Variants in GPHN observed in about 807,000 individuals in gnomAD.
GPHN encodes gephyrin.
In GPHN, 17 loss-of-function variants were observed where a neutral mutation model predicts 95.5. The observed-to-expected ratio is 0.18, with a 90% CI of 0.12 to 0.27. The LOEUF (loss-of-function observed/expected upper bound fraction) is 0.27. GPHN is among the 10% of genes least tolerant of loss of function. The pLI is 1.00. For synonymous variants in GPHN, 320 were observed against 322.5 expected (o/e 0.99, Z 0.08); for missense variants, 660 against 978.1 (o/e 0.67, Z 4.34).
chr14:67,221,989 C>T, the GPHN span: 920 of 660,768 alleles, frequency 1.4e-3, 21 homozygotes, highest in South Asian at 0.025. Context: ...TTCTCAAAGC[C>T]GATCCTCAGG....
At chr14:67,580,532 C>G in the GPHN span, among the ~76,000 whole-genome samples, 2 of 152,238 alleles carry the variant, frequency 1.3e-5, no homozygotes, top group African/African-American at 4.8e-5. Flanking sequence ...AAAACTATGC[C>G]ACATACCTTC....
At chr14:66,660,601 T>C (rs2065587429) in intron 1 of GPHN, among the ~76,000 whole-genome samples, 1 of 152,226 alleles carries the variant, frequency 6.6e-6, no homozygotes, top group South Asian at 2.1e-4. Context: ...TTCACAGTTC[T>C]TTTATTTAAG....
rs529647021 is a variant in GPHN at position 66,786,158 on chromosome 14, T to A, written c.201+9637T>A. 2.6e-5 allele frequency among the ~76,000 whole-genome samples: 4 copies of A among 152,208 alleles called. 1 individual carries two copies. The South Asian group carries it at 8.3e-4, about 32-fold the overall frequency. On this transcript the variant is annotated intron_variant, in intron 3 of 22. Transcript: ENST00000478722. ...TAAGCCTCTTGCTACATTGCAAAGA[T>A]AAAGGAGAAAGGGCACAATCACCAA...
intron 3 of GPHN, among the ~76,000 whole-genome samples, chr14:66,788,381 G>C (rs1260578670): frequency 3.9e-5 from 6 of 152,192 alleles, no homozygotes; most frequent in Non-Finnish European, 8.8e-5. Flanking sequence ...GTTTTTAACT[G>C]TGATTGCCCT....
chr14:67,200,637 G>A, the GPHN span: 2 of 174,238 alleles, frequency 1.1e-5, no homozygotes, highest in East Asian at 1.8e-4. Flanking sequence ...CCCACCTCCA[G>A]TATACCATAG....
chr14:67,588,730 A>G, the GPHN span: 3 of 152,564 alleles, frequency 2.0e-5, no homozygotes, highest in Non-Finnish European at 4.4e-5. Context: ...TGAAAACTGT[A>G]TATTTAGCAG....
the GPHN span, chr14:67,581,593 T>C: frequency 5.9e-6 from 1 of 168,768 alleles, no homozygotes; most frequent in African/African-American, 2.4e-5. Flanking sequence ...TTTATGAGAG[T>C]GAAATTTTGT....
At chr14:67,324,707 T>TC in the GPHN span, among the ~76,000 whole-genome samples, 1 of 151,794 alleles carries the variant, frequency 6.6e-6, no homozygotes, top group Non-Finnish European at 1.5e-5. Flanking sequence ...CCCCAGCCTG[T>TC]CCAAGTGGCT....
the GPHN span, chr14:67,390,687 G>A: frequency 3.2e-5 from 52 of 1,613,550 alleles, no homozygotes; most frequent in African/African-American, 6.0e-4. Flanking sequence ...AGTAATGCAG[G>A]AAAGCTGGAT....
chr14:66,996,582 A>G (rs1318409594), intron 9 of GPHN, among the ~76,000 whole-genome samples: 1 of 152,186 alleles, frequency 6.6e-6, no homozygotes, highest in African/African-American at 2.4e-5. Context: ...TTGTATATCT[A>G]TATATGTCTG....
rs549501239 is a variant in GPHN, at chr14:66,844,939, C to G, written c.294+20373C>G. Among the ~76,000 whole-genome samples the G allele has an allele frequency of 1.1e-3, 173 of 152,226 alleles. 10 individuals carry two copies. The South Asian group carries it at 0.035, about 31-fold the overall frequency. ...CTACTTTCTGTCTTTATAAATTTGC[C>G]TGTTCTAGATACCTCATATAAGTGG... On this transcript the variant is annotated intron_variant, in intron 4 of 22. Transcript: ENST00000478722.
chr14:67,045,733 C>G (rs1284972401), intron 10 of GPHN, among the ~76,000 whole-genome samples: 1 of 151,626 alleles, frequency 6.6e-6, no homozygotes, highest in Non-Finnish European at 1.5e-5. Context: ...CTGTCTCTCT[C>G]TCTCTGTCCA....
chr14:66,870,226 A>G (rs896674713), intron 4 of GPHN, among the ~76,000 whole-genome samples: 1 of 152,212 alleles, frequency 6.6e-6, no homozygotes, highest in South Asian at 2.1e-4. Flanking sequence ...AACAGTTTGT[A>G]TCTAGCATAG....
the GPHN span, among the ~76,000 whole-genome samples, chr14:67,213,630 T>A: frequency 6.6e-6 from 1 of 152,162 alleles, no homozygotes; most frequent in Admixed American, 6.5e-5. Flanking sequence ...AACTTACGTG[T>A]GCATGTGTCT....
At chr14:67,198,338 C>A in the GPHN span, 9 of 1,602,594 alleles carry the variant, frequency 5.6e-6, no homozygotes, top group Non-Finnish European at 7.7e-6. Flanking sequence ...ATATTCAAGG[C>A]CTGAGTTAAG....
chr14:67,418,923 G>T, the GPHN span, among the ~76,000 whole-genome samples: 1 of 152,214 alleles, frequency 6.6e-6, no homozygotes, highest in Non-Finnish European at 1.5e-5. Flanking sequence ...CGCTCTGCAA[G>T]GCTTTGCTGG....
chr14:67,334,725 G>C, the GPHN span: 1 of 152,210 alleles, frequency 6.6e-6, no homozygotes, highest in Non-Finnish European at 1.5e-5. Flanking sequence ...TGTCTCTTCA[G>C]ATCTGAAATA....
chr14:67,726,297 T>C, the GPHN span: 2 of 707,338 alleles, frequency 2.8e-6, no homozygotes, highest in Non-Finnish European at 5.2e-6. Flanking sequence ...TGGCTTGTTG[T>C]TCACTGTACC....
At chr14:67,411,136 C>CAAA in the GPHN span, among the ~76,000 whole-genome samples, 11 of 51,948 alleles carry the variant, frequency 2.1e-4, no homozygotes, top group East Asian at 1.4e-3. Flanking sequence ...GACCCTGTCT[C>CAAA]AAAAAAAAAA....
Sources: allele counts gnomAD v4.1 joint callset (sites outside exome capture counted in the v4.1 genomes callset), GRCh38; gene constraint gnomAD v4.1.1; transcripts MANE v1.5; gene names NCBI Gene and HGNC (gene_info 2026-07-23, HGNC 2026-07-21).